The following FBXL7 variants were observed in gnomAD, a reference collection of about 807,000 sequenced individuals.
FBXL7 encodes the protein F-box/LRR-repeat protein 7.
A neutral mutation model predicts 38.3 loss-of-function variants in FBXL7; 12 were observed. The observed-to-expected ratio is 0.31, with a 90% CI of 0.20 to 0.51. FBXL7 has a LOEUF of 0.51. Among genes scored for constraint, FBXL7 ranks in the 20% least tolerant of loss-of-function variants. The probability of loss-of-function intolerance (pLI) is 0.98; values close to 1 mark genes in which losing one functional copy is unlikely to be tolerated. For synonymous variants in FBXL7, 297 were observed against 300.9 expected, an observed-to-expected ratio of 0.99 and a Z score of 0.13; for missense variants, 567 against 676.4, an observed-to-expected ratio of 0.84 and a Z score of 1.79.
At position 15,727,275 on chromosome 5, in the gene FBXL7, C is replaced by T. The variant is rs570928943; in HGVS notation, c.127+111203C>T. Among the ~76,000 whole-genome samples the T allele has an allele frequency of 2.0e-5, 3 of 152,108 alleles. No individual in the cohort carries two copies. The South Asian group carries it at 6.2e-4, about 32-fold the overall frequency. On this transcript the variant is annotated intron_variant, in intron 2 of 3. Transcript: ENST00000504595. ...CTGTAATACTAGCTTTAAAAATTGC[C>T]TATATATTTATATTCATTGAGATCT...
At chr5:15,556,053 CTATCAT>C (rs935405428) in intron 1 of FBXL7, among the ~76,000 whole-genome samples, 10 of 151,146 alleles carry the variant, frequency 6.6e-5, no homozygotes, top group African/African-American at 2.4e-4. Flanking sequence ...CATCTATTAT[CTATCAT>C]TATCTTCATC....
chr5:15,926,898 G>A (rs1187365087), intron 2 of FBXL7, among the ~76,000 whole-genome samples: 2 of 151,892 alleles, frequency 1.3e-5, no homozygotes. Flanking sequence ...TGTCCTCTGC[G>A]CCTACTCACT....
intron 2 of FBXL7, among the ~76,000 whole-genome samples, chr5:15,843,175 A>G (rs1738795608): frequency 6.6e-6 from 1 of 152,226 alleles, no homozygotes; most frequent in Non-Finnish European, 1.5e-5. Context: ...TGTATATGCT[A>G]ATATAAAATG....
At chr5:15,828,738 A>G (rs939396469) in intron 2 of FBXL7, among the ~76,000 whole-genome samples, 1 of 152,196 alleles carries the variant, frequency 6.6e-6, no homozygotes, top group Non-Finnish European at 1.5e-5. Flanking sequence ...TCTCTCCCTG[A>G]CTTGCCGTGT....
intron 2 of FBXL7, among the ~76,000 whole-genome samples, chr5:15,715,613 C>T (rs1053483952): frequency 2.0e-5 from 3 of 151,970 alleles, no homozygotes; most frequent in African/African-American, 7.3e-5. Flanking sequence ...CTCAACTCTG[C>T]TGTAGACAAT....
At chr5:15,652,365 C>G (rs1741739470) in intron 2 of FBXL7, among the ~76,000 whole-genome samples, 1 of 152,132 alleles carries the variant, frequency 6.6e-6, no homozygotes, top group Non-Finnish European at 1.5e-5. Context: ...CTCCCGGGTT[C>G]ACGCCATTCT....
chr5:15,747,158 T>C (rs1736037621), intron 2 of FBXL7, among the ~76,000 whole-genome samples: 1 of 152,128 alleles, frequency 6.6e-6, no homozygotes, highest in South Asian at 2.1e-4. Context: ...AGAATCCAGA[T>C]GAAGATGTTT....
chr5:15,646,851 C>T (rs1741547876), intron 2 of FBXL7, among the ~76,000 whole-genome samples: 1 of 152,146 alleles, frequency 6.6e-6, no homozygotes. Flanking sequence ...CCAGAAGAAA[C>T]AGAAACCTGG....
intron 1 of FBXL7, among the ~76,000 whole-genome samples, chr5:15,534,330 C>T (rs762927200): frequency 2.0e-5 from 3 of 150,916 alleles, no homozygotes; most frequent in Non-Finnish European, 4.4e-5. Flanking sequence ...TCTGCCTATT[C>T]TCTCCCTAAC....
At chr5:15,814,508 T>C (rs1176488714) in intron 2 of FBXL7, among the ~76,000 whole-genome samples, 1 of 152,038 alleles carries the variant, frequency 6.6e-6, no homozygotes, top group African/African-American at 2.4e-5. Context: ...CAAACCACCA[T>C]GGCACATGTA....
intron 2 of FBXL7, among the ~76,000 whole-genome samples, chr5:15,712,595 A>G (rs1244374133): frequency 1.3e-5 from 2 of 152,040 alleles, no homozygotes; most frequent in Non-Finnish European, 2.9e-5. Flanking sequence ...AAGAGCTCCA[A>G]TTTATATTTT....
chr5:15,582,595 T>C (rs1387379299), intron 1 of FBXL7, among the ~76,000 whole-genome samples: 1 of 152,228 alleles, frequency 6.6e-6, no homozygotes, highest in African/African-American at 2.4e-5. Flanking sequence ...ACCAATTCCA[T>C]GTTATTCTTC....
chr5:15,773,174 C>T (rs1736774734), intron 2 of FBXL7, among the ~76,000 whole-genome samples: 1 of 152,196 alleles, frequency 6.6e-6, no homozygotes, highest in African/African-American at 2.4e-5. Context: ...CCTGGGATCA[C>T]TGACCTGAGC....
intron 1 of FBXL7, among the ~76,000 whole-genome samples, chr5:15,508,135 A>G (rs1178147258): frequency 1.3e-5 from 2 of 152,318 alleles, no homozygotes; most frequent in Middle Eastern, 3.4e-3. Context: ...AAATATTCTC[A>G]GAAGACTTAC....
At chr5:15,568,256 C>T (rs1738652679) in intron 1 of FBXL7, among the ~76,000 whole-genome samples, 1 of 151,982 alleles carries the variant, frequency 6.6e-6, no homozygotes, top group African/African-American at 2.4e-5. Flanking sequence ...TCTCCAGCAC[C>T]TGTTGTTTCC....
intron 1 of FBXL7, among the ~76,000 whole-genome samples, chr5:15,504,637 C>T (rs1375296555): frequency 2.0e-5 from 3 of 152,142 alleles, no homozygotes; most frequent in Non-Finnish European, 4.4e-5. Context: ...CTAATATCTA[C>T]GTGATTAGTA....
intron 1 of FBXL7, among the ~76,000 whole-genome samples, chr5:15,577,333 G>T (rs1738999556): frequency 6.6e-6 from 1 of 152,090 alleles, no homozygotes; most frequent in African/African-American, 2.4e-5. Context: ...AGGGGCAGGG[G>T]GGCATTTATT....
chr5:15,569,914 C>T (rs1466191599), intron 1 of FBXL7, among the ~76,000 whole-genome samples: 9 of 152,178 alleles, frequency 5.9e-5, no homozygotes, highest in African/African-American at 2.2e-4. Flanking sequence ...ATATGTTGAA[C>T]CAGCCTTGCA....
At chr5:15,924,233 G>A (rs987440183) in intron 2 of FBXL7, among the ~76,000 whole-genome samples, 5 of 152,120 alleles carry the variant, frequency 3.3e-5, no homozygotes, top group Admixed American at 2.0e-4. Flanking sequence ...TCTTATGAAC[G>A]ATTTAAAATG....
Sources: gnomAD v4.1 joint callset for allele counts (sites outside exome capture counted in the v4.1 genomes callset) on GRCh38, gnomAD v4.1.1 for gene constraint, MANE v1.5 for transcripts, NCBI Gene and HGNC (gene_info 2026-07-23, HGNC 2026-07-21) for gene names.